CBFA2T3: variants seen among roughly 807,000 people sequenced by gnomAD.
The protein encoded by CBFA2T3 is transcriptional corepressor CBFA2T3.
In CBFA2T3, 31 loss-of-function variants were observed where a neutral mutation model predicts 58.6. The observed-to-expected ratio is 0.53, with a 90% CI of 0.40 to 0.71. The LOEUF is 0.71. Ranked by LOEUF, CBFA2T3 falls within the 30% of genes least tolerant of loss-of-function variation. The probability of loss-of-function intolerance (pLI) is 0.00; values close to 1 mark genes in which losing one functional copy is unlikely to be tolerated. For synonymous variants in CBFA2T3, 531 were observed against 421.9 expected, an observed-to-expected ratio of 1.26 and a Z score of -3.17; for missense variants, 1,076 against 963.1, an observed-to-expected ratio of 1.12 and a Z score of -1.55.
At chr16:88,974,616 A>C (rs559720985) in intron 1 of CBFA2T3, among the ~76,000 whole-genome samples, 1 of 152,220 alleles carries the variant, frequency 6.6e-6, no homozygotes, top group African/African-American at 2.4e-5. Context: ...CAGCTTTTAG[A>C]AATATTACTG....
At chr16:88,902,671 G>A (rs1161998400) in intron 1 of CBFA2T3, among the ~76,000 whole-genome samples, 1 of 152,238 alleles carries the variant, frequency 6.6e-6, no homozygotes, top group Non-Finnish European at 1.5e-5. Context: ...GGGTGCGGGT[G>A]TAAGCCCCAG....
chr16:88,973,910 C>T (rs1394371953), intron 1 of CBFA2T3, among the ~76,000 whole-genome samples: 1 of 53,888 alleles, frequency 1.9e-5, no homozygotes, highest in Non-Finnish European at 3.6e-5. Flanking sequence ...CATAACATCT[C>T]CCGCCTTGCC....
At chr16:88,886,185 C>T (rs942869046) in intron 5 of CBFA2T3, 43 bp from the exon 6 acceptor site, 3 of 1,419,112 alleles carry the variant, frequency 2.1e-6, no homozygotes, top group Non-Finnish European at 1.9e-6. Flanking sequence ...TGCAGGGGTG[C>T]ACAGCCCTGC....
At chr16:88,974,232 C>T (rs747822776) in intron 1 of CBFA2T3, among the ~76,000 whole-genome samples, 7 of 152,184 alleles carry the variant, frequency 4.6e-5, no homozygotes, top group Admixed American at 2.0e-4. Flanking sequence ...GGGGACAAGG[C>T]GGTGAGAGCC....
intron 10 of CBFA2T3, among the ~76,000 whole-genome samples, chr16:88,880,498 G>A (rs569114037): frequency 1.3e-5 from 2 of 152,328 alleles, no homozygotes; most frequent in South Asian, 2.1e-4. Context: ...TCTGCTGGGC[G>A]GCCACCGGTC....
chr16:88,925,189 C>T (rs545943550), intron 1 of CBFA2T3, among the ~76,000 whole-genome samples: 348 of 152,324 alleles, frequency 2.3e-3, no homozygotes, highest in Middle Eastern at 0.01. Flanking sequence ...CCAGCCCTGC[C>T]CGGATTGGTC....
Position 88,875,968 on chromosome 16 carries a change from C to G in CBFA2T3, c.*1008G>C, listed in dbSNP as rs1968817490. ...GCACCAACGCCTACGCAGAAGAGAACAAAAGTCGCTTCTAACTGGGCACAA... is the reference window on the plus strand; with the variant it reads ...GCACCAACGCCTACGCAGAAGAGAAGAAAAGTCGCTTCTAACTGGGCACAA... On this transcript the variant is annotated 3_prime_UTR_variant, in exon 12 of 12. Transcript: ENST00000268679. The G allele has an allele frequency of 4.3e-6, 1 of 233,136 alleles. No homozygotes were observed. The highest frequency in any genetic ancestry group is 5.6e-5 in the Admixed American group (1 of 17,778). The allele number at this position is 233,136 out of a possible 1,614,324, so 14.4% of individuals were successfully genotyped here.
intron 3 of CBFA2T3, among the ~76,000 whole-genome samples, chr16:88,896,387 C>T (rs1411383581): frequency 4.6e-5 from 7 of 152,190 alleles, no homozygotes; most frequent in Admixed American, 3.9e-4. Context: ...TCAGGATGGA[C>T]GCACCGGCCC....
intron 1 of CBFA2T3, among the ~76,000 whole-genome samples, chr16:88,949,546 C>T (rs897765720): frequency 1.4e-4 from 20 of 144,882 alleles, no homozygotes; most frequent in African/African-American, 3.3e-4. Context: ...GGTGACAGAG[C>T]GAGACTCTGT....
intron 2 of CBFA2T3, 23 bp downstream of exon 2, chr16:88,901,481 G>T: frequency 7.2e-7 from 1 of 1,381,694 alleles, no homozygotes. Flanking sequence ...CTGGCCCTCG[G>T]CTGCCAGGTG....
intron 1 of CBFA2T3, among the ~76,000 whole-genome samples, chr16:88,940,839 G>C (rs1019255371): frequency 6.6e-6 from 1 of 152,144 alleles, no homozygotes; most frequent in Admixed American, 6.5e-5. Context: ...CTCTGCTCAC[G>C]GGGGGCTGCG....
intron 3 of CBFA2T3, among the ~76,000 whole-genome samples, chr16:88,896,166 C>T (rs1449634864): frequency 2.0e-5 from 3 of 152,150 alleles, no homozygotes; most frequent in Admixed American, 1.3e-4. Flanking sequence ...AACCACTAAT[C>T]GCAGGTCAGA....
At position 88,977,159 on chromosome 16, in the gene CBFA2T3, C is replaced by A; in HGVS notation, c.-352G>T. The A allele has an allele frequency of 3.4e-6, 1 of 297,196 alleles. No homozygotes were observed. Among genetic ancestry groups the A allele is most frequent in the Non-Finnish European group, 6.4e-6 (1 of 156,606 alleles). The allele number at this position is 297,196 out of a possible 1,614,324, so 18.4% of individuals were successfully genotyped here. A position where few individuals can be genotyped will look rare whatever the true frequency, so the allele number is the denominator to read the frequency against. On this transcript the variant is annotated 5_prime_UTR_variant, in exon 1 of 12. Transcript: ENST00000268679. ...GCGCCCGCCACTTCCCTGACAGGAACCATCTGGGGCCCTGCCCTGCGCGGC... is the reference window on the plus strand; with the variant it reads ...GCGCCCGCCACTTCCCTGACAGGAAACATCTGGGGCCCTGCCCTGCGCGGC...
intron 1 of CBFA2T3, among the ~76,000 whole-genome samples, chr16:88,974,435 T>C (rs925493510): frequency 2.0e-5 from 3 of 151,970 alleles, no homozygotes; most frequent in Admixed American, 6.5e-5. Flanking sequence ...GTGGCCATCT[T>C]CTGATTGCTT....
chr16:88,969,729 C>T (rs1244311389), intron 1 of CBFA2T3, among the ~76,000 whole-genome samples: 2 of 152,320 alleles, frequency 1.3e-5, no homozygotes, highest in East Asian at 1.9e-4. Context: ...GGCTTGGCTG[C>T]CAGGGTGCGA....
intron 5 of CBFA2T3, 147 bp from the exon 6 acceptor site, chr16:88,886,289 C>A: frequency 7.2e-6 from 3 of 415,974 alleles, no homozygotes; most frequent in Non-Finnish European, 1.3e-5. Flanking sequence ...CTCTGGGCCT[C>A]AAGTTCCTTC....
chr16:88,884,689 G>C (rs946251808), intron 7 of CBFA2T3: 24 of 222,992 alleles, frequency 1.1e-4, no homozygotes, highest in African/African-American at 4.6e-4. Flanking sequence ...TGGACTCTGA[G>C]AGTTGGGACT....
At position 88,874,896 on chromosome 16, in the gene CBFA2T3, T is replaced by C. The variant is rs925719749; in HGVS notation, c.*2080A>G. The stretch of plus-strand genomic sequence containing the variant: ...TTTTATTTGGCAAACATCTCGTTTA[T>C]TACCATCATGAATATCATTTGGACC... On this transcript the variant is annotated 3_prime_UTR_variant, in exon 12 of 12. Coordinates refer to ENST00000268679, the MANE Select transcript of CBFA2T3 (RefSeq NM_005187.6). 7 of 232,134 alleles carry C rather than the reference T, an allele frequency of 3.0e-5. No homozygotes were observed. Among genetic ancestry groups the C allele is most frequent in the Admixed American group, 1.7e-4 (3 of 17,716 alleles). 14.4% of individuals were successfully genotyped at this position (232,134 alleles called of 1,614,324 possible).
Position 88,969,399 on chromosome 16 carries a change from C to A in CBFA2T3, c.151+7258G>T, listed in dbSNP as rs905885939. ...TCCTGGCCTTGGCAGGGGTGGGAGG[C>A]CTGGTGTCTGCAGGGCCAGCTGCGG... On this transcript the variant is annotated intron_variant, in intron 1 of 11. Transcript: ENST00000268679. 2.6e-5 allele frequency among the ~76,000 whole-genome samples: 4 copies of A among 152,352 alleles called. No individual in the cohort carries two copies. The South Asian group carries it at 8.3e-4, about 32-fold the overall frequency.
Sources: allele counts gnomAD v4.1 joint callset (sites outside exome capture counted in the v4.1 genomes callset), GRCh38; gene constraint gnomAD v4.1.1; transcripts MANE v1.5; gene names NCBI Gene and HGNC (gene_info 2026-07-23, HGNC 2026-07-21).